Variants in SAP30BP observed in about 807,000 individuals in gnomAD.
SAP30BP encodes the protein SAP30 binding protein, also known as SAP30-binding protein.
In SAP30BP, 31 loss-of-function variants were observed where a neutral mutation model predicts 46.3. The observed-to-expected ratio is 0.67, with a 90% CI of 0.50 to 0.90. SAP30BP has a LOEUF of 0.90. Ranked by LOEUF, SAP30BP falls within the 40% of genes least tolerant of loss-of-function variation. The pLI is 0.00. For synonymous variants in SAP30BP, 169 were observed against 144.2 expected, an observed-to-expected ratio of 1.17 and a Z score of -1.23; for missense variants, 312 against 391.0, an observed-to-expected ratio of 0.80 and a Z score of 1.70.
intron 4 of SAP30BP, 120 bp downstream of exon 4, chr17:75,693,602 T>A: frequency 1.2e-6 from 1 of 823,106 alleles, no homozygotes; most frequent in Non-Finnish European, 1.9e-6. Flanking sequence ...CTGTTGTCCC[T>A]TTGGCTCCCT....
chr17:75,688,293 C>A (rs2060191725), intron 3 of SAP30BP, among the ~76,000 whole-genome samples: 1 of 152,198 alleles, frequency 6.6e-6, no homozygotes, highest in Non-Finnish European at 1.5e-5. Context: ...GAAGTGAGAT[C>A]TCATCAGGCC....
In SAP30BP at chr17:75,700,481, G is replaced by T. The variant is rs142592517; in HGVS notation, c.396+610G>T. Among the ~76,000 whole-genome samples, 5 of 152,254 alleles carry T rather than the reference G, an allele frequency of 3.3e-5. No homozygotes were observed. The East Asian group carries it at 7.7e-4, about 24-fold the overall frequency. On this transcript the variant is annotated intron_variant, in intron 5 of 10. Transcript: ENST00000584667. ...TCCCTTGTGATGAACAATAGAACAG[G>T]CACCCAAGGCTGCACAATCATGGCT...
At chr17:75,676,815 T>C (rs1204184123) in intron 3 of SAP30BP, among the ~76,000 whole-genome samples, 4 of 152,178 alleles carry the variant, frequency 2.6e-5, no homozygotes, top group Admixed American at 2.6e-4. Flanking sequence ...CTCTTACTAG[T>C]TTATAAATTA....
At chr17:75,696,522 C>T (rs535038077) in intron 4 of SAP30BP, among the ~76,000 whole-genome samples, 14 of 147,948 alleles carry the variant, frequency 9.5e-5, no homozygotes, top group Middle Eastern at 3.5e-3. Context: ...CCAGTCTGGG[C>T]GACATAGCGA....
At chr17:75,678,796 G>A (rs527928411) in intron 3 of SAP30BP, among the ~76,000 whole-genome samples, 18 of 152,246 alleles carry the variant, frequency 1.2e-4, no homozygotes, top group African/African-American at 3.1e-4. Context: ...GGGAAGAGCC[G>A]GGGTTGCGCT....
intron 4 of SAP30BP, among the ~76,000 whole-genome samples, chr17:75,697,762 G>T (rs568727943): frequency 6.6e-6 from 1 of 152,208 alleles, no homozygotes; most frequent in East Asian, 1.9e-4. Flanking sequence ...AGCTGGACTG[G>T]CAGAGTCTGG....
intron 4 of SAP30BP, among the ~76,000 whole-genome samples, chr17:75,693,836 G>A (rs1247500104): frequency 6.6e-6 from 1 of 152,074 alleles, no homozygotes; most frequent in Non-Finnish European, 1.5e-5. Context: ...CTCTCCGCTG[G>A]CATATGCATG....
chr17:75,703,779 A>C, intron 7 of SAP30BP, 29 bp from the exon 8 acceptor site: 1 of 1,606,750 alleles, frequency 6.2e-7, no homozygotes, highest in Non-Finnish European at 8.5e-7. Context: ...GTCATTTGTC[A>C]TCTGAGTCAT....
intron 3 of SAP30BP, chr17:75,692,256 G>A (rs2060252749): frequency 2.0e-6 from 2 of 985,500 alleles, no homozygotes; most frequent in South Asian, 4.7e-5. Context: ...TGGCCTTCCT[G>A]GCACCTTCCT....
intron 9 of SAP30BP, 59 bp downstream of exon 9, chr17:75,704,873 T>C: frequency 7.3e-7 from 1 of 1,377,280 alleles, no homozygotes. Flanking sequence ...TGGGTCCTGC[T>C]GGCTGAGCCC....
At chr17:75,687,857 T>C (rs2060180012) in intron 3 of SAP30BP, among the ~76,000 whole-genome samples, 2 of 151,878 alleles carry the variant, frequency 1.3e-5, no homozygotes, top group Middle Eastern at 6.8e-3. Context: ...AGTTAAAACA[T>C]AACAGCTGAA....
intron 4 of SAP30BP, among the ~76,000 whole-genome samples, chr17:75,698,884 C>T (rs1302995555): frequency 1.3e-5 from 2 of 152,238 alleles, no homozygotes; most frequent in Non-Finnish European, 2.9e-5. Context: ...ACACTGCTGA[C>T]TCTTTCCTTA....
intron 3 of SAP30BP, among the ~76,000 whole-genome samples, chr17:75,688,412 G>T (rs1383469773): frequency 1.3e-5 from 2 of 152,188 alleles, no homozygotes; most frequent in East Asian, 3.8e-4. Context: ...TTGCCCAACA[G>T]GAAACCCCCA....
chr17:75,701,493 G>T (rs1459645821), intron 5 of SAP30BP, among the ~76,000 whole-genome samples: 1 of 152,188 alleles, frequency 6.6e-6, no homozygotes, highest in African/African-American at 2.4e-5. Context: ...GGTAAGCCTG[G>T]ATCCCCCGAG....
Position 75,706,752 on chromosome 17 carries a change from T to C in SAP30BP, c.*231T>C, listed in dbSNP as rs1170410745. 3.6e-6 allele frequency: 2 copies of C among 560,214 alleles called. No homozygotes were observed. The highest frequency in any genetic ancestry group is 6.4e-6 in the Non-Finnish European group (2 of 314,224). The allele number at this position is 560,214 out of a possible 1,614,324, so 34.7% of individuals were successfully genotyped here. The stretch of plus-strand genomic sequence containing the variant: ...TCTGCCGCCTATTAAAAGTGCCGTA[T>C]TCTTACCTCTTGGCATCTCAGATGC... On this transcript the variant is annotated 3_prime_UTR_variant, in exon 11 of 11. Coordinates refer to ENST00000584667, the MANE Select transcript of SAP30BP (RefSeq NM_013260.8). The surrounding 1 kb of genome is among the most constrained non-coding windows in gnomAD (Gnocchi z 4.6).
intron 3 of SAP30BP, among the ~76,000 whole-genome samples, chr17:75,674,690 G>GTTTGTTTTTTTTTTTTT (rs2059958498): frequency 5.1e-5 from 2 of 39,596 alleles, no homozygotes; most frequent in African/African-American, 1.3e-4. Context: ...TTTTTTGTTT[G>GTTTGTTTTTTTTTTTTT]TTTTTTGTTT....
intron 4 of SAP30BP, 69 bp from the exon 5 acceptor site, chr17:75,699,713 TG>T (rs2060378164): frequency 2.0e-6 from 2 of 1,013,150 alleles, no homozygotes; most frequent in Non-Finnish European, 3.1e-6. Context: ...TATGTGCTTA[TG>T]TTTTTTTGTC....
chr17:75,680,932 G>A (rs1183864550), intron 3 of SAP30BP, among the ~76,000 whole-genome samples: 3 of 152,180 alleles, frequency 2.0e-5, no homozygotes, highest in Non-Finnish European at 2.9e-5. Flanking sequence ...TACTTGGGAG[G>A]CTGAGATGGG....
chr17:75,697,730 C>T (rs820215), intron 4 of SAP30BP, among the ~76,000 whole-genome samples: 48,736 of 152,088 alleles, frequency 0.32, 8,329 homozygotes, highest in East Asian at 0.54. Flanking sequence ...TATTTGCAGT[C>T]GGCATAGGCT....
Sources: allele counts gnomAD v4.1 joint callset (sites outside exome capture counted in the v4.1 genomes callset), GRCh38; gene constraint gnomAD v4.1.1; non-coding constraint Gnocchi (gnomAD v3.1); transcripts MANE v1.5; gene names NCBI Gene and HGNC (gene_info 2026-07-23, HGNC 2026-07-21).